Variants in GALNT13 observed in about 807,000 individuals in gnomAD.
GALNT13 encodes the protein UDP-GalNAc:polypeptide N-acetylgalactosaminyltransferase 13.
Under a neutral mutation model 64.2 loss-of-function variants are expected in GALNT13, and 28 were observed. The observed-to-expected ratio is 0.44, with a 90% CI of 0.32 to 0.60. GALNT13 has a LOEUF of 0.60. Ranked by LOEUF, GALNT13 falls within the 20% of genes least tolerant of loss-of-function variation. GALNT13 has a pLI of 0.05. For synonymous variants in GALNT13, 214 were observed against 224.6 expected (o/e 0.95, Z 0.42); for missense variants, 577 against 669.8 (o/e 0.86, Z 1.53).
At chr2:153,195,075 G>T in the GALNT13 span, among the ~76,000 whole-genome samples, 1 of 152,204 alleles carries the variant, frequency 6.6e-6, no homozygotes, top group Non-Finnish European at 1.5e-5. Flanking sequence ...TTTCTTGGCT[G>T]TCAGTAGTGG....
chr2:153,333,291 C>G, the GALNT13 span, among the ~76,000 whole-genome samples: 2 of 152,202 alleles, frequency 1.3e-5, no homozygotes, highest in Non-Finnish European at 2.9e-5. Flanking sequence ...ATAAAGTGCT[C>G]TCCCTTGGCC....
chr2:153,291,970 A>G, the GALNT13 span, among the ~76,000 whole-genome samples: 3 of 152,178 alleles, frequency 2.0e-5, no homozygotes, highest in Admixed American at 2.0e-4. Context: ...AAGGAGATGT[A>G]TGAAACAAGA....
chr2:153,500,342 A>G, the GALNT13 span, among the ~76,000 whole-genome samples: 3 of 152,190 alleles, frequency 2.0e-5, no homozygotes, highest in Non-Finnish European at 4.4e-5. Context: ...GGGTAAGGAC[A>G]GCTCAAAAGT....
At chr2:154,434,947 G>T (rs533614314) in intron 11 of GALNT13, among the ~76,000 whole-genome samples, 55 of 152,242 alleles carry the variant, frequency 3.6e-4, no homozygotes, top group African/African-American at 1.2e-3. Flanking sequence ...TTTAAAAAAG[G>T]TAGTGTTCAA....
At chr2:153,668,174 T>G in the GALNT13 span, among the ~76,000 whole-genome samples, 1 of 152,126 alleles carries the variant, frequency 6.6e-6, no homozygotes, top group Non-Finnish European at 1.5e-5. Flanking sequence ...GAGAGTTCAA[T>G]GCCCCACTGA....
the GALNT13 span, among the ~76,000 whole-genome samples, chr2:153,572,064 C>T: frequency 6.6e-6 from 1 of 151,842 alleles, no homozygotes; most frequent in Non-Finnish European, 1.5e-5. Context: ...AGCAGTGAAA[C>T]CATTGAGTCC....
chr2:154,293,167 T>G (rs1692738387), intron 8 of GALNT13, among the ~76,000 whole-genome samples: 1 of 152,178 alleles, frequency 6.6e-6, no homozygotes, highest in Non-Finnish European at 1.5e-5. Context: ...AATAACAATC[T>G]GATATACTCA....
rs534546240 is a variant in GALNT13 at position 154,374,043 on chromosome 2, T to C, written c.1157-21948T>C. 7.9e-5 allele frequency among the ~76,000 whole-genome samples: 12 copies of C among 152,328 alleles called. No homozygotes were observed. In the South Asian group the frequency reaches 2.5e-3, roughly 32 times the overall value. On this transcript the variant is annotated intron_variant, in intron 9 of 12. Transcript: ENST00000392825. ...GTCAACTGAGACAGTTCACCAGTTA[T>C]AACATGAAGTACTGTCTTTACTCCC... is the stretch of plus-strand genomic sequence containing the variant.
At chr2:153,767,513 A>G in the GALNT13 span, among the ~76,000 whole-genome samples, 1 of 152,164 alleles carries the variant, frequency 6.6e-6, no homozygotes, top group Non-Finnish European at 1.5e-5. Context: ...TTAGTTCTAC[A>G]AAAAATCCCT....
chr2:154,126,283 G>GT (rs985225341), intron 3 of GALNT13, among the ~76,000 whole-genome samples: 2 of 151,686 alleles, frequency 1.3e-5, no homozygotes, highest in African/African-American at 2.4e-5. Context: ...GACAGCTAGG[G>GT]TAAAAAAAAA....
chr2:154,411,776 A>T (rs1400885063), intron 11 of GALNT13, among the ~76,000 whole-genome samples: 1 of 151,748 alleles, frequency 6.6e-6, no homozygotes, highest in African/African-American at 2.4e-5. Context: ...ATAATTAAAT[A>T]AGAATGGGGA....
At chr2:153,616,611 T>C in the GALNT13 span, among the ~76,000 whole-genome samples, 4 of 151,968 alleles carry the variant, frequency 2.6e-5, no homozygotes, top group Non-Finnish European at 4.4e-5. Context: ...CTTTCATCAG[T>C]GTTTTATAGT....
chr2:153,092,922 C>T, the GALNT13 span, among the ~76,000 whole-genome samples: 2 of 151,646 alleles, frequency 1.3e-5, no homozygotes, highest in South Asian at 2.1e-4. Context: ...GCATCCTTGT[C>T]ATGTTCCAGA....
chr2:154,306,259 G>A (rs888820723), intron 9 of GALNT13, among the ~76,000 whole-genome samples: 4 of 151,912 alleles, frequency 2.6e-5, no homozygotes, highest in Admixed American at 1.3e-4. Context: ...CCATTAACCC[G>A]TCATCTACGT....
the GALNT13 span, among the ~76,000 whole-genome samples, chr2:153,349,044 C>A: frequency 1.3e-5 from 2 of 152,130 alleles, no homozygotes; most frequent in Non-Finnish European, 2.9e-5. Flanking sequence ...CAGACAGTGG[C>A]TTAACTATGA....
the GALNT13 span, among the ~76,000 whole-genome samples, chr2:153,864,402 G>T: frequency 1.0e-3 from 155 of 152,222 alleles, 1 homozygote; most frequent in African/African-American, 3.5e-3. Context: ...GTTGGATTTA[G>T]GTATTTTATT....
chr2:153,996,439 G>A (rs1442090845), intron 3 of GALNT13, among the ~76,000 whole-genome samples: 2 of 151,920 alleles, frequency 1.3e-5, no homozygotes, highest in Non-Finnish European at 2.9e-5. Flanking sequence ...GTGTTGTTAA[G>A]CGTTTTTATC....
chr2:153,847,641 T>C, the GALNT13 span, among the ~76,000 whole-genome samples: 1 of 152,072 alleles, frequency 6.6e-6, no homozygotes, highest in Non-Finnish European at 1.5e-5. Flanking sequence ...AAAAAAAATG[T>C]AATTATAACA....
chr2:153,437,959 G>T, the GALNT13 span, among the ~76,000 whole-genome samples: 382 of 132,866 alleles, frequency 2.9e-3, no homozygotes, highest in South Asian at 4.3e-3. Context: ...TGCAGTGGCT[G>T]GTAGCGGTTG....
Sources: gnomAD v4.1 joint callset for allele counts (sites outside exome capture counted in the v4.1 genomes callset) on GRCh38, gnomAD v4.1.1 for gene constraint, MANE v1.5 for transcripts, NCBI Gene and HGNC (gene_info 2026-07-23, HGNC 2026-07-21) for gene names.